XDH: variants seen among roughly 807,000 people sequenced by gnomAD.
XDH encodes the protein xanthine dehydrogenase/oxidase.
In XDH, 138 loss-of-function variants were observed where a neutral mutation model predicts 156.1. The ratio of observed to expected loss-of-function variants is 0.88; its 90% CI spans 0.77 to 1.02. The LOEUF is 1.02. Among genes scored for constraint, XDH ranks in the 50% least tolerant of loss-of-function variants. XDH has a pLI of 0.00. For missense variants in XDH, 1,849 were observed against 1,684.9 expected, an observed-to-expected ratio of 1.10 and a Z score of -1.71; for synonymous variants, 669 against 625.7, an observed-to-expected ratio of 1.07 and a Z score of -1.03.
At chr2:31,397,012 A>T (rs1048221914) in intron 6 of XDH, among the ~76,000 whole-genome samples, 2 of 152,216 alleles carry the variant, frequency 1.3e-5, no homozygotes, top group African/African-American at 4.8e-5. Context: ...AGTCAGGATT[A>T]ACGTGGCCCA....
At chr2:31,360,146 G>A (rs112495433) in intron 24 of XDH, among the ~76,000 whole-genome samples, 2,206 of 152,276 alleles carry the variant, frequency 0.014, 54 homozygotes, top group African/African-American at 0.051. Flanking sequence ...GTTAACCAAG[G>A]AAGCCTTGGT....
chr2:31,395,166 G>A (rs1164898626), intron 6 of XDH, among the ~76,000 whole-genome samples: 2 of 152,196 alleles, frequency 1.3e-5, no homozygotes, highest in Non-Finnish European at 2.9e-5. Context: ...TAATGTATTG[G>A]TAAGATATGA....
At chr2:31,407,676 T>C (rs966630116) in intron 1 of XDH, among the ~76,000 whole-genome samples, 2 of 152,100 alleles carry the variant, frequency 1.3e-5, no homozygotes, top group Non-Finnish European at 2.9e-5. Flanking sequence ...TAGTACCAAT[T>C]AAAGGAGAGC....
intron 1 of XDH, among the ~76,000 whole-genome samples, chr2:31,408,111 C>T (rs1018861884): frequency 1.3e-5 from 2 of 152,148 alleles, no homozygotes; most frequent in African/African-American, 2.4e-5. Context: ...TCTTTCAAGG[C>T]CCTTTTCAAT....
chr2:31,340,103 C>A (rs1181414064), intron 33 of XDH, among the ~76,000 whole-genome samples: 1 of 152,216 alleles, frequency 6.6e-6, no homozygotes, highest in Non-Finnish European at 1.5e-5. Context: ...GAAAGTGCCC[C>A]CACTGCAGTT....
At chr2:31,349,584 T>C (rs1043162956) in intron 26 of XDH, 102 bp downstream of exon 26, 16 of 1,530,724 alleles carry the variant, frequency 1.0e-5, no homozygotes, top group Middle Eastern at 1.7e-4. Context: ...AGCAGTCTCA[T>C]AAGTTATCCA....
intron 2 of XDH, among the ~76,000 whole-genome samples, chr2:31,405,171 G>A (rs898924039): frequency 1.9e-4 from 29 of 152,292 alleles, no homozygotes; most frequent in African/African-American, 6.5e-4. Flanking sequence ...AAAAGGGAGT[G>A]TTACGCTTCC....
In XDH at chr2:31,372,208, C is replaced by T. The variant is rs1362663233; in HGVS notation, c.1856+20G>A. The T allele has an allele frequency of 3.7e-6, 6 of 1,614,054 alleles. No individual in the cohort carries two copies. The highest frequency in any genetic ancestry group is 5.1e-6 in the Non-Finnish European group (6 of 1,180,012). On this transcript the variant is annotated intron_variant, in intron 17 of 35. Coordinates refer to ENST00000379416, the MANE Select transcript of XDH (RefSeq NM_000379.4). ...CCCCCTCACAGCATTCCACCAGCTC[C>T]TCCTGGCGGTGTCACTCACTTGATC...
At position 31,377,095 on chromosome 2, in the gene XDH, C is replaced by T; in HGVS notation, c.1385G>A (p.Arg462Lys). The T allele has an allele frequency of 2.5e-6, 4 of 1,614,122 alleles. No individual in the cohort carries two copies. In the South Asian group the frequency reaches 3.3e-5, roughly 13 times the overall value. ...AGTGGTCTTGAGGGCTGAGATGGTT[C>T]TGTTGGCCATTCCACCATAGCAAAG... Reference protein sequence around the residue: ...LALCYGGMANRTISALKTTQR... With the variant: ...LALCYGGMANKTISALKTTQR... Residue 462 changes from arginine to lysine, a missense_variant, in exon 14 of 36, where the codon AGA (arginine) becomes AAA (lysine). Arg to Lys is a conservative substitution (Grantham distance 26, BLOSUM62 2). Coordinates refer to ENST00000379416, the MANE Select transcript of XDH (RefSeq NM_000379.4).
intron 32 of XDH, among the ~76,000 whole-genome samples, chr2:31,341,805 T>C (rs967884872): frequency 1.3e-5 from 2 of 152,170 alleles, no homozygotes; most frequent in Non-Finnish European, 2.9e-5. Context: ...AGGCTAATAA[T>C]TACATTATTA....
chr2:31,387,368 T>C (rs947944442), intron 8 of XDH, among the ~76,000 whole-genome samples: 1 of 152,210 alleles, frequency 6.6e-6, no homozygotes, highest in African/African-American at 2.4e-5. Context: ...CTGCAGATCA[T>C]GTCCTTTGAA....
Position 31,364,210 on chromosome 2 carries a change from A to G in XDH, c.2579T>C (p.Leu860Pro). Residue 860 changes from leucine to proline, a missense_variant, in exon 24 of 36, where the codon CTT becomes CCT. Leu to Pro is a moderately conservative substitution (Grantham distance 98, BLOSUM62 -3). Coordinates refer to ENST00000379416, the MANE Select transcript of XDH (RefSeq NM_000379.4). ...CACATTGCTGAAGTGGTCCACCTCA[A>G]GAGCCACAACTGTCCCAGTCTTCAT... ...GFMKTGTVVALEVDHFSNVGN... is the reference protein window; with the variant it reads ...GFMKTGTVVAPEVDHFSNVGN... 1 of 1,614,194 alleles carries G rather than the reference A, an allele frequency of 6.2e-7. No homozygotes were observed. Among genetic ancestry groups the G allele is most frequent in the Non-Finnish European group, 8.5e-7 (1 of 1,180,032 alleles).
intron 9 of XDH, chr2:31,384,496 C>T (rs1304777267): frequency 6.4e-6 from 1 of 155,824 alleles, no homozygotes; most frequent in Non-Finnish European, 1.4e-5. Context: ...AGTTGTCTGG[C>T]TTTGCGGGGC....
In XDH at chr2:31,370,489, G is replaced by C. The variant is rs754522086; in HGVS notation, c.1857-11C>G. The C allele has an allele frequency of 1.5e-5, 24 of 1,614,084 alleles. No individual in the cohort carries two copies. The highest frequency in any genetic ancestry group is 1.9e-5 in the Non-Finnish European group (23 of 1,179,954). The stretch of plus-strand genomic sequence containing the variant: ...GATGTATCTATGGACCTGCAAGAAT[G>C]AGTGGTGTGAGGGGCCAGGTCAGCA... On this transcript the variant is annotated splice_polypyrimidine_tract_variant and intron_variant, in intron 17 of 35. Coordinates refer to ENST00000379416, the MANE Select transcript of XDH (RefSeq NM_000379.4).
intron 9 of XDH, among the ~76,000 whole-genome samples, chr2:31,385,007 T>C (rs1229052391): frequency 6.6e-6 from 1 of 152,170 alleles, no homozygotes; most frequent in East Asian, 1.9e-4. Flanking sequence ...GTAATCTTTG[T>C]TATTCATTTC....
intron 10 of XDH, 71 bp from the exon 11 acceptor site, chr2:31,383,223 C>T: frequency 1.2e-6 from 2 of 1,609,062 alleles, no homozygotes; most frequent in South Asian, 2.2e-5. Context: ...CACAGCTCCT[C>T]TGAAGCTTTC....
chr2:31,393,800 C>CTTTTTTTTTTTTTTTTTTTT (rs34575198), intron 6 of XDH, among the ~76,000 whole-genome samples: 1 of 140,454 alleles, frequency 7.1e-6, no homozygotes, highest in Non-Finnish European at 1.5e-5. Flanking sequence ...TTCCTTTTTT[C>CTTTTTTTTTTTTTTTTTTTT]TTTTTTTTTT....
In XDH at chr2:31,383,748, C is replaced by T. The variant is rs754350861; in HGVS notation, c.886+7G>A. 4 of 1,613,220 alleles carry T rather than the reference C, an allele frequency of 2.5e-6. No individual in the cohort carries two copies. The highest frequency in any genetic ancestry group is 1.3e-5 in the African/African-American group (1 of 74,926). Reference sequence around the variant, plus strand: ...CCTCCATAAGCTTGGAGTGAACCTCCTCTTACCGTCGGGTCCATGTTCTAC... The same window carrying T: ...CCTCCATAAGCTTGGAGTGAACCTCTTCTTACCGTCGGGTCCATGTTCTAC... On this transcript the variant is annotated splice_region_variant and intron_variant, in intron 10 of 35. Transcript: ENST00000379416.
Position 31,382,287 on chromosome 2 carries a change from T to C in XDH, c.1039-561A>G, listed in dbSNP as rs573226789. Among the ~76,000 whole-genome samples, 5 of 152,324 alleles carry C rather than the reference T, an allele frequency of 3.3e-5. No homozygotes were observed. In the South Asian group the frequency reaches 1.0e-3, roughly 32 times the overall value. Reference sequence around the variant, plus strand: ...GAACTCAGCAGAGTTTTTGAGTTTATGTTTCCTTATCTACAGTTTATGTTT... The same window carrying C: ...GAACTCAGCAGAGTTTTTGAGTTTACGTTTCCTTATCTACAGTTTATGTTT... On this transcript the variant is annotated intron_variant, in intron 11 of 35. Transcript: ENST00000379416.
Sources: allele counts gnomAD v4.1 joint callset (sites outside exome capture counted in the v4.1 genomes callset), GRCh38; gene constraint gnomAD v4.1.1; transcripts MANE v1.5; gene names NCBI Gene and HGNC (gene_info 2026-07-23, HGNC 2026-07-21).